The following NAA15 variants were observed in gnomAD, a reference collection of about 807,000 sequenced individuals.
The protein encoded by NAA15 is N-alpha-acetyltransferase 15, NatA auxiliary subunit, also known as N-terminal acetyltransferase.
In NAA15, 34 loss-of-function variants were observed where a neutral mutation model predicts 114.0. The observed-to-expected ratio is 0.30, with a 90% CI of 0.23 to 0.40. The LOEUF is 0.40. Among genes scored for constraint, NAA15 ranks in the 10% least tolerant of loss-of-function variants. The pLI is 1.00. For synonymous variants in NAA15, 340 were observed against 338.0 expected, an observed-to-expected ratio of 1.01 and a Z score of -0.06; for missense variants, 658 against 1,004.5, an observed-to-expected ratio of 0.66 and a Z score of 4.66.
At chr4:139,305,328 T>C (rs1327728416) in intron 1 of NAA15, among the ~76,000 whole-genome samples, 2 of 152,204 alleles carry the variant, frequency 1.3e-5, no homozygotes, top group Non-Finnish European at 2.9e-5. Context: ...AAAATGTCCT[T>C]ATTGTTCTCA....
chr4:139,349,368 T>C, intron 6 of NAA15, 94 bp from the exon 7 acceptor site: 1 of 1,173,052 alleles, frequency 8.5e-7, no homozygotes, highest in Non-Finnish European at 1.2e-6. Context: ...TGATTTATAA[T>C]GAGATTTTAA....
At chr4:139,372,887 G>GT (rs963372006) in intron 15 of NAA15, among the ~76,000 whole-genome samples, 39 of 151,822 alleles carry the variant, frequency 2.6e-4, no homozygotes, top group African/African-American at 7.0e-4. Context: ...GCTTTGTTTT[G>GT]TTTTTTTGTT....
intron 14 of NAA15, 28 bp downstream of exon 14, chr4:139,361,965 T>G (rs753713289): frequency 6.6e-7 from 1 of 1,522,888 alleles, no homozygotes; most frequent in African/African-American, 1.4e-5. Context: ...CTTCTTGTGC[T>G]CTGATGTGTT....
At chr4:139,318,785 T>C (rs1294877343) in intron 1 of NAA15, among the ~76,000 whole-genome samples, 1 of 150,938 alleles carries the variant, frequency 6.6e-6, no homozygotes, top group East Asian at 2.0e-4. Flanking sequence ...ACCCGGAAAG[T>C]GGAGGTTGCA....
intron 19 of NAA15, 101 bp from the exon 20 acceptor site, chr4:139,387,783 A>T: frequency 1.1e-6 from 1 of 911,554 alleles, no homozygotes; most frequent in South Asian, 1.6e-5. Flanking sequence ...ATGTGTATTT[A>T]TTTCTTATTT....
At chr4:139,358,204 T>TGA (rs902548948) in intron 11 of NAA15, among the ~76,000 whole-genome samples, 19 of 151,288 alleles carry the variant, frequency 1.3e-4, no homozygotes, top group African/African-American at 2.7e-4. Context: ...TTTTTTTTTT[T>TGA]GAGAGAGAGA....
chr4:139,363,024 A>T (rs1341453427), intron 14 of NAA15, among the ~76,000 whole-genome samples: 1 of 152,182 alleles, frequency 6.6e-6, no homozygotes, highest in African/African-American at 2.4e-5. Flanking sequence ...GCCTAAGGAC[A>T]GTTTAGAAAT....
chr4:139,370,108 T>TG, intron 14 of NAA15, 103 bp from the exon 15 acceptor site: 2 of 980,078 alleles, frequency 2.0e-6, no homozygotes, highest in East Asian at 6.0e-5. Flanking sequence ...CCCAGCCTCA[T>TG]GCAATATTTT....
At chr4:139,323,048 CTTTTCTTT>C (rs1455007344) in intron 1 of NAA15, among the ~76,000 whole-genome samples, 1 of 134,146 alleles carries the variant, frequency 7.5e-6, no homozygotes, top group African/African-American at 2.8e-5. Context: ...TTTTTCTTTT[CTTTTCTTT>C]TTTTTTTTTT....
intron 1 of NAA15, among the ~76,000 whole-genome samples, chr4:139,324,210 C>CT (rs1346392687): frequency 6.6e-6 from 1 of 152,168 alleles, no homozygotes; most frequent in Non-Finnish European, 1.5e-5. Flanking sequence ...TGCTTCTTTG[C>CT]TTCATTGTTT....
At chr4:139,367,343 T>A (rs1398221801) in intron 14 of NAA15, among the ~76,000 whole-genome samples, 1 of 152,164 alleles carries the variant, frequency 6.6e-6, no homozygotes, top group Admixed American at 6.5e-5. Context: ...TGAATTACCC[T>A]TTTTTTCTTT....
chr4:139,337,529 C>T (rs1747239307), intron 3 of NAA15, among the ~76,000 whole-genome samples: 1 of 152,188 alleles, frequency 6.6e-6, no homozygotes, highest in African/African-American at 2.4e-5. Context: ...AGATATATAA[C>T]ATAGCCCCTG....
chr4:139,369,091 A>G (rs1748361946), intron 14 of NAA15, among the ~76,000 whole-genome samples: 1 of 152,214 alleles, frequency 6.6e-6, no homozygotes, highest in African/African-American at 2.4e-5. Context: ...AGGCCCTGAA[A>G]ATAAGGTTAC....
At chr4:139,303,918 T>G (rs1370230476) in intron 1 of NAA15, among the ~76,000 whole-genome samples, 2 of 152,194 alleles carry the variant, frequency 1.3e-5, no homozygotes, top group Non-Finnish European at 2.9e-5. Flanking sequence ...GTTAGCACTT[T>G]TTTTTGTTTG....
At position 139,389,627 on chromosome 4, in the gene NAA15, G is replaced by A. The variant is rs1330220840; in HGVS notation, c.*1543G>A. On this transcript the variant is annotated 3_prime_UTR_variant, in exon 20 of 20. Coordinates refer to ENST00000296543, the MANE Select transcript of NAA15 (RefSeq NM_057175.5). ...TTAATTTGTTAAACCTATACACTGA[G>A]AACTAGCCTCAGGCTTAATATTCTC... The A allele has an allele frequency of 6.6e-6, 1 of 152,612 alleles. No homozygotes were observed. The highest frequency in any genetic ancestry group is 6.5e-5 in the Admixed American group (1 of 15,278). The allele number at this position is 152,612 out of a possible 1,614,324, so 9.5% of individuals were successfully genotyped here. A position where few individuals can be genotyped will look rare whatever the true frequency, so the allele number is the denominator to read the frequency against.
chr4:139,342,595 G>C (rs936904557), intron 4 of NAA15, among the ~76,000 whole-genome samples: 1 of 151,376 alleles, frequency 6.6e-6, no homozygotes, highest in African/African-American at 2.4e-5. Context: ...GACCACAGGC[G>C]TGCACCACCA....
chr4:139,367,718 T>G (rs1748322169), intron 14 of NAA15, among the ~76,000 whole-genome samples: 1 of 152,226 alleles, frequency 6.6e-6, no homozygotes, highest in Non-Finnish European at 1.5e-5. Context: ...TCTTGACATA[T>G]TTTTTGATCT....
chr4:139,307,940 A>G (rs2110825320), intron 1 of NAA15, among the ~76,000 whole-genome samples: 1 of 152,198 alleles, frequency 6.6e-6, no homozygotes, highest in Non-Finnish European at 1.5e-5. Context: ...GGCTGTATAC[A>G]TTGTATAATA....
rs901680614 is a variant in NAA15, at chr4:139,351,239, A to C, written c.860A>C (p.Tyr287Ser). The C allele has an allele frequency of 2.6e-5, 42 of 1,609,778 alleles. No individual in the cohort carries two copies. Among genetic ancestry groups the C allele is most frequent in the Non-Finnish European group, 3.3e-5 (39 of 1,177,806 alleles). The change falls in exon 8 of 20, where the codon TAT (tyrosine) becomes TCT (serine). Residue 287 changes from tyrosine to serine, a missense_variant. Physicochemically the swap from Tyr to Ser is moderately radical, Grantham distance 144. Around this residue, in one of 6 missense-constraint regions of NAA15, gnomAD observed 281 missense variants for 389.1 expected, o/e 0.72. Coordinates refer to ENST00000296543, the MANE Select transcript of NAA15 (RefSeq NM_057175.5). The part of the protein sequence containing the change: ...LKIYEEAWTK[Y>S]PRGLVPRRLP... ...ATTTATGAGGAAGCCTGGACTAAAT[A>C]TCCCAGGGGACTGGTGCCAAGAAGG...
Sources: allele counts gnomAD v4.1 joint callset (sites outside exome capture counted in the v4.1 genomes callset), GRCh38; gene constraint gnomAD v4.1.1; regional missense constraint gnomAD v4.1.1; transcripts MANE v1.5; gene names NCBI Gene and HGNC (gene_info 2026-07-23, HGNC 2026-07-21).